VRTN: variants seen among roughly 807,000 people sequenced by gnomAD.
The protein encoded by VRTN is vertebrae development associated, also known as vertnin.
VRTN carries 5 observed loss-of-function variants against 18.2 expected under a neutral mutation model. The observed-to-expected ratio is 0.27, with a 90% CI of 0.14 to 0.58. The LOEUF (loss-of-function observed/expected upper bound fraction) is 0.58. Among genes scored for constraint, VRTN ranks in the 20% least tolerant of loss-of-function variants. The probability of loss-of-function intolerance (pLI) is 0.91; values close to 1 mark genes in which losing one functional copy is unlikely to be tolerated. For synonymous variants in VRTN, 381 were observed against 393.7 expected, an observed-to-expected ratio of 0.97 and a Z score of 0.38; for missense variants, 741 against 939.4, an observed-to-expected ratio of 0.79 and a Z score of 2.76.
chr14:74,349,289 G>A (rs1291282271), intron 1 of VRTN, among the ~76,000 whole-genome samples: 1 of 151,744 alleles, frequency 6.6e-6, no homozygotes, highest in Non-Finnish European at 1.5e-5. Context: ...GGCCTCCAGG[G>A]CCACCGGGGA....
Position 74,357,111 on chromosome 14 carries a change from G to A in VRTN, c.328G>A (p.Val110Ile), listed in dbSNP as rs745668573. ...CCTGGAGCTGCGGGCCCGCACCGTG[G>A]TAGAGATGCTGCTGCACAGACACTA... ...LSLELRARTVVEMLLHRHYYL... is the reference protein window; with the variant it reads ...LSLELRARTVIEMLLHRHYYL... The change falls in exon 2 of 2, where the codon GTA becomes ATA. Residue 110 changes from valine to isoleucine, a missense_variant. Val to Ile is a conservative substitution (Grantham distance 29, BLOSUM62 3). Around this residue, in one of 3 missense-constraint regions of VRTN, gnomAD observed 186 missense variants for 288.3 expected, o/e 0.65. Coordinates refer to ENST00000256362, the MANE Select transcript of VRTN (RefSeq NM_018228.3). The surrounding 1 kb of genome is among the most constrained non-coding windows in gnomAD (Gnocchi z 7.8). 1.9e-6 allele frequency: 3 copies of A among 1,602,076 alleles called. No homozygotes were observed. The African/African-American group carries it at 4.0e-5, about 21-fold the overall frequency.
chr14:74,334,196 C>T (rs2085548712), intron 1 of VRTN, among the ~76,000 whole-genome samples: 1 of 152,018 alleles, frequency 6.6e-6, no homozygotes, highest in Non-Finnish European at 1.5e-5. Flanking sequence ...AAGCCAAAGC[C>T]AAGAAGGAAA....
intron 1 of VRTN, among the ~76,000 whole-genome samples, chr14:74,304,535 G>C (rs373151729): frequency 2.6e-5 from 4 of 152,254 alleles, no homozygotes; most frequent in African/African-American, 9.6e-5. Context: ...AAGTTTTGGG[G>C]CCTGATCATT....
intron 2 of VRTN, chr14:74,337,979 A>C (rs555145998): frequency 2.6e-5 from 4 of 152,332 alleles, no homozygotes; most frequent in Non-Finnish European, 4.4e-5. Flanking sequence ...AAGCACACCC[A>C]AAATGAAAAA....
At chr14:74,345,709 T>A (rs1195949786), upstream of VRTN, among the ~76,000 whole-genome samples, 17 of 150,502 alleles carry the variant, frequency 1.1e-4, 1 homozygote, top group South Asian at 1.1e-3. Flanking sequence ...GGATCACCTG[T>A]GGTCAGGAGT....
At chr14:74,306,150 A>G (rs2085347824) in intron 1 of VRTN, 1 of 68,370 alleles carries the variant, frequency 1.5e-5, no homozygotes. Context: ...ATATACATAT[A>G]TATATATATA....
Position 74,357,531 on chromosome 14 carries a change from G to A in VRTN, c.748G>A (p.Gly250Ser). Reference protein sequence around the residue: ...VVGLEEVEAEGAPGVAPALPA... With the variant: ...VVGLEEVEAESAPGVAPALPA... ...GGGGCTGGAAGAGGTGGAGGCTGAA[G>A]GTGCCCCTGGCGTGGCCCCAGCTCT... Residue 250 changes from glycine (G) to serine (S), a missense_variant, in exon 2 of 2, where the codon GGT (glycine) becomes AGT (serine). Physicochemically the swap from Gly to Ser is moderately conservative, Grantham distance 56. Transcript: ENST00000256362. The surrounding 1 kb of genome is among the most constrained non-coding windows in gnomAD (Gnocchi z 7.8). The A allele has an allele frequency of 1.2e-6, 2 of 1,613,518 alleles. No individual in the cohort carries two copies. Among genetic ancestry groups the A allele is most frequent in the Non-Finnish European group, 1.7e-6 (2 of 1,180,018 alleles).
intron 2 of VRTN, among the ~76,000 whole-genome samples, chr14:74,338,135 G>C (rs1338173868): frequency 6.6e-6 from 1 of 151,912 alleles, no homozygotes. Flanking sequence ...ATATCTAAAA[G>C]TTTAGAACAT....
intron 1 of VRTN, among the ~76,000 whole-genome samples, chr14:74,334,553 G>C (rs999490308): frequency 6.6e-6 from 1 of 152,034 alleles, no homozygotes; most frequent in African/African-American, 2.4e-5. Context: ...ACCAATTGCT[G>C]GGGAGAAACA....
At chr14:74,306,099 A>G (rs1213520872) in intron 1 of VRTN, 1 of 146,434 alleles carries the variant, frequency 6.8e-6, no homozygotes, top group East Asian at 1.9e-4. Flanking sequence ...TATATATATA[A>G]TATATGTAAA....
intron 1 of VRTN, among the ~76,000 whole-genome samples, chr14:74,325,606 G>A (rs529021076): frequency 6.6e-6 from 1 of 152,024 alleles, no homozygotes; most frequent in African/African-American, 2.4e-5. Flanking sequence ...CCAAAATTTC[G>A]AGAACAGCCT....
At chr14:74,307,950 G>A (rs955132435) in intron 1 of VRTN, among the ~76,000 whole-genome samples, 1 of 152,026 alleles carries the variant, frequency 6.6e-6, no homozygotes, top group South Asian at 2.1e-4. Context: ...GGCTGGTCTC[G>A]AACTCCTGAT....
intron 1 of VRTN, among the ~76,000 whole-genome samples, chr14:74,353,813 C>T (rs565133509): frequency 6.6e-6 from 1 of 152,006 alleles, no homozygotes; most frequent in African/African-American, 2.4e-5. Flanking sequence ...AGCTCCGCCT[C>T]CCGGGTTCAC....
intron 1 of VRTN, among the ~76,000 whole-genome samples, chr14:74,333,524 T>C (rs987320889): frequency 1.3e-5 from 2 of 149,462 alleles, no homozygotes; most frequent in Admixed American, 6.7e-5. Context: ...AAAGAAATCA[T>C]TGAGTAAGAG....
At chr14:74,355,540 T>A (rs1415187570) in intron 1 of VRTN, among the ~76,000 whole-genome samples, 1 of 152,140 alleles carries the variant, frequency 6.6e-6, no homozygotes, top group African/African-American at 2.4e-5. Context: ...TAGCATCATT[T>A]ATTTATTTAT....
At chr14:74,335,927 G>C (rs2140204135) in intron 1 of VRTN, among the ~76,000 whole-genome samples, 1 of 151,700 alleles carries the variant, frequency 6.6e-6, no homozygotes, top group East Asian at 2.0e-4. Context: ...CTTTAGTAGA[G>C]ATGGGGTTTC....
chr14:74,310,133 C>T (rs2140191451), intron 1 of VRTN, among the ~76,000 whole-genome samples: 1 of 152,278 alleles, frequency 6.6e-6, no homozygotes, highest in East Asian at 1.9e-4. Context: ...TGCCATGGCT[C>T]ACGCCTGTAA....
intron 1 of VRTN, among the ~76,000 whole-genome samples, chr14:74,356,024 GT>G (rs1231123416): frequency 6.6e-6 from 1 of 151,962 alleles, no homozygotes; most frequent in Non-Finnish European, 1.5e-5. Context: ...TAGAGATGGG[GT>G]TTTGCCATGT....
intron 1 of VRTN, among the ~76,000 whole-genome samples, chr14:74,318,587 T>C (rs1194907927): frequency 6.6e-6 from 1 of 151,994 alleles, no homozygotes; most frequent in African/African-American, 2.4e-5. Context: ...AATTTTTGTA[T>C]TTTTAGTAGA....
Sources: gnomAD v4.1 joint callset for allele counts (sites outside exome capture counted in the v4.1 genomes callset) on GRCh38, gnomAD v4.1.1 for gene constraint, gnomAD v4.1.1 regional missense constraint, Gnocchi (gnomAD v3.1) non-coding constraint, MANE v1.5 for transcripts, NCBI Gene and HGNC (gene_info 2026-07-23, HGNC 2026-07-21) for gene names.